The following ATG10 variants were observed in gnomAD, a reference collection of about 807,000 sequenced individuals.
ATG10 encodes the protein ubiquitin-like-conjugating enzyme ATG10.
ATG10 carries 30 observed loss-of-function variants against 32.1 expected under a neutral mutation model. That is an observed-to-expected ratio of 0.94 (90% confidence interval 0.70 to 1.27). ATG10 has a LOEUF of 1.27. Among genes scored for constraint, ATG10 ranks in the 50% most tolerant of loss-of-function variants. ATG10 has a pLI of 0.00. For synonymous variants in ATG10, 87 were observed against 91.5 expected (o/e 0.95, Z 0.28); for missense variants, 233 against 262.3 (o/e 0.89, Z 0.77).
intron 3 of ATG10, among the ~76,000 whole-genome samples, chr5:82,068,219 A>G (rs541556035): frequency 4.4e-4 from 67 of 152,292 alleles, no homozygotes; most frequent in African/African-American, 1.6e-3. Flanking sequence ...CTATGCAGCC[A>G]TAAAAAGGAT....
intron 2 of ATG10, among the ~76,000 whole-genome samples, chr5:82,004,945 A>T (rs1761950138): frequency 6.6e-6 from 1 of 152,222 alleles, no homozygotes; most frequent in South Asian, 2.1e-4. Context: ...GATTAAAAGA[A>T]ATTCAAGAGA....
intron 2 of ATG10, among the ~76,000 whole-genome samples, chr5:82,042,383 C>G (rs1226979974): frequency 1.3e-5 from 2 of 152,142 alleles, no homozygotes; most frequent in Non-Finnish European, 2.9e-5. Context: ...TCTTACCAGG[C>G]CCCTCCTACA....
chr5:82,092,599 G>C (rs1490513043), intron 3 of ATG10, among the ~76,000 whole-genome samples: 1 of 152,164 alleles, frequency 6.6e-6, no homozygotes, highest in Non-Finnish European at 1.5e-5. Context: ...TCTCCCTGCA[G>C]TGTCTTACCA....
chr5:82,169,243 C>T (rs1293850482), intron 4 of ATG10, among the ~76,000 whole-genome samples: 2 of 150,300 alleles, frequency 1.3e-5, no homozygotes, highest in Non-Finnish European at 3.0e-5. Flanking sequence ...GTGAATGAGA[C>T]CAGAGGAAGG....
At chr5:81,982,741 T>C (rs1300714757) in intron 1 of ATG10, among the ~76,000 whole-genome samples, 1 of 152,068 alleles carries the variant, frequency 6.6e-6, no homozygotes, top group South Asian at 2.1e-4. Context: ...CCTGATTACT[T>C]GAGATTAGGG....
chr5:82,084,928 G>A (rs909210405), intron 3 of ATG10, among the ~76,000 whole-genome samples: 32 of 152,204 alleles, frequency 2.1e-4, no homozygotes, highest in African/African-American at 6.0e-4. Flanking sequence ...ATCAACTAAC[G>A]AGCAAAATAA....
chr5:81,987,640 C>T lies in ATG10; in HGVS notation c.70C>T (p.Gln24Ter). Residue 24 changes from glutamine (Q) to a stop codon, truncating the protein, a stop_gained, in exon 2 of 8, where the codon CAA becomes TAA. Coordinates refer to ENST00000282185, the MANE Select transcript of ATG10 (RefSeq NM_031482.5). LOFTEE classifies it high-confidence loss of function. The part of the protein sequence containing the change: ...RYCAEFIKHS[Q>*]QIGDSWEWRP... The stretch of plus-strand genomic sequence containing the variant: ...TTGTGCAGAATTCATTAAACATTCA[C>T]AACAGATAGGTGATAGTTGGGAATG... The T allele has an allele frequency of 6.2e-7, 1 of 1,612,762 alleles. No homozygotes were observed. The highest frequency in any genetic ancestry group is 8.5e-7 in the Non-Finnish European group (1 of 1,179,512).
chr5:82,211,445 C>T (rs1745488991), intron 5 of ATG10, among the ~76,000 whole-genome samples: 1 of 152,178 alleles, frequency 6.6e-6, no homozygotes, highest in Admixed American at 6.5e-5. Flanking sequence ...TCTCCTCTGA[C>T]CCTGTTTCCC....
chr5:82,138,385 T>C (rs1172107157), intron 3 of ATG10, among the ~76,000 whole-genome samples: 3 of 152,180 alleles, frequency 2.0e-5, no homozygotes, highest in Non-Finnish European at 4.4e-5. Flanking sequence ...TCCTGGTCTG[T>C]GGGTTATAAA....
chr5:82,216,228 T>G (rs909056426), intron 5 of ATG10, among the ~76,000 whole-genome samples: 32 of 152,234 alleles, frequency 2.1e-4, no homozygotes, highest in African/African-American at 7.0e-4. Context: ...TTACCTTGTC[T>G]GCTTCAGAGT....
chr5:81,993,360 C>CTTTCTTTCTT, intron 2 of ATG10, among the ~76,000 whole-genome samples: 1 of 46,772 alleles, frequency 2.1e-5, no homozygotes, highest in Non-Finnish European at 4.0e-5. Flanking sequence ...TCTTTCTTTC[C>CTTTCTTTCTT]TTCTTTTCTT....
intron 1 of ATG10, among the ~76,000 whole-genome samples, chr5:81,981,968 C>G (rs4703864): frequency 1 from 152,268 of 152,360 alleles, 76,088 homozygotes; most frequent in Non-Finnish European, 1. Flanking sequence ...CTTCTTCTAT[C>G]CTTCTAGTCT....
intron 5 of ATG10, among the ~76,000 whole-genome samples, chr5:82,198,246 C>G (rs954709541): frequency 5.3e-5 from 8 of 152,094 alleles, no homozygotes; most frequent in African/African-American, 1.4e-4. Flanking sequence ...AGAAGGTGAG[C>G]AAAAGAAACC....
chr5:82,074,066 T>TG (rs1341736668), intron 3 of ATG10, among the ~76,000 whole-genome samples: 2 of 152,192 alleles, frequency 1.3e-5, no homozygotes, highest in Non-Finnish European at 2.9e-5. Flanking sequence ...CCAAAACTGT[T>TG]GAAGGATGAT....
intron 3 of ATG10, among the ~76,000 whole-genome samples, chr5:82,130,628 T>G (rs1192107433): frequency 6.6e-6 from 1 of 152,088 alleles, no homozygotes; most frequent in Non-Finnish European, 1.5e-5. Flanking sequence ...GCTTTCCAAT[T>G]GAGGAGATGC....
Position 81,976,904 on chromosome 5 carries a change from CTTG to C in ATG10, c.-13+4603_-13+4605del, listed in dbSNP as rs1390926657. 3.9e-5 allele frequency among the ~76,000 whole-genome samples: 6 copies of C among 152,244 alleles called. No homozygotes were observed. The South Asian group carries it at 6.2e-4, about 16-fold the overall frequency. ...TTGTTTTTGTTTTTTGAGACAGTATCTTGTTGTGTCGCCCAGGCTGGAGGGCAG... is the reference window on the plus strand; with the variant it reads ...TTGTTTTTGTTTTTTGAGACAGTATCTTGTGTCGCCCAGGCTGGAGGGCAG... On this transcript the variant is annotated intron_variant, in intron 1 of 7. Transcript: ENST00000282185.
intron 3 of ATG10, among the ~76,000 whole-genome samples, chr5:82,137,414 GTTGATA>G (rs1412311369): frequency 6.6e-6 from 1 of 152,130 alleles, no homozygotes; most frequent in Non-Finnish European, 1.5e-5. Flanking sequence ...CATCCTTTTT[GTTGATA>G]TTGATGCTAT....
At chr5:82,141,362 A>C (rs190748685) in intron 3 of ATG10, among the ~76,000 whole-genome samples, 4 of 152,248 alleles carry the variant, frequency 2.6e-5, no homozygotes, top group Admixed American at 2.6e-4. Context: ...AATCACAATC[A>C]TTACTTATTA....
intron 3 of ATG10, among the ~76,000 whole-genome samples, chr5:82,141,006 A>G (rs1475678600): frequency 9.2e-6 from 1 of 108,730 alleles, no homozygotes. Flanking sequence ...GTGCTTTGTT[A>G]AACAGATGCT....
Sources: gnomAD v4.1 joint callset for allele counts (sites outside exome capture counted in the v4.1 genomes callset) on GRCh38, gnomAD v4.1.1 for gene constraint, MANE v1.5 for transcripts, NCBI Gene and HGNC (gene_info 2026-07-23, HGNC 2026-07-21) for gene names.